DENND1C: variants seen among roughly 807,000 people sequenced by gnomAD.
DENND1C encodes DENN domain-containing protein 1C.
In DENND1C, 64 loss-of-function variants were observed where a neutral mutation model predicts 87.9. The observed-to-expected ratio is 0.73, with a 90% CI of 0.60 to 0.90. DENND1C has a LOEUF of 0.90. Ranked by LOEUF, DENND1C falls within the 40% of genes least tolerant of loss-of-function variation. The pLI is 0.00. For missense variants in DENND1C, 980 were observed against 1,037.0 expected (o/e 0.95, Z 0.76); for synonymous variants, 384 against 424.4 (o/e 0.90, Z 1.17).
intron 4 of DENND1C, 45 bp downstream of exon 4, chr19:6,479,624 G>C: frequency 6.2e-7 from 1 of 1,612,766 alleles, no homozygotes; most frequent in Non-Finnish European, 8.5e-7. Context: ...GGGCCCCTGA[G>C]AGATCTGAGT....
chr19:6,480,549 TCCACCCAC>T (rs10561857), intron 1 of DENND1C: 32 of 366,540 alleles, frequency 8.7e-5, no homozygotes, highest in South Asian at 5.6e-4. Context: ...CACCTATCCA[TCCACCCAC>T]CCACCTATCT....
At chr19:6,481,541 G>T in intron 1 of DENND1C, 138 bp downstream of exon 1, 1 of 1,243,662 alleles carries the variant, frequency 8.0e-7, no homozygotes, top group Non-Finnish European at 1.1e-6. Context: ...GAGGCCCATG[G>T]AGTATCTGAT....
intron 14 of DENND1C, among the ~76,000 whole-genome samples, chr19:6,473,451 C>A (rs1430772451): frequency 1.0e-5 from 1 of 98,706 alleles, no homozygotes; most frequent in Non-Finnish European, 2.4e-5. Flanking sequence ...CCGCGCCCAG[C>A]CCTGGTTTTT....
chr19:6,470,214 C>G lies in DENND1C; in HGVS notation c.1362+81G>C, dbSNP rs943818258. On this transcript the variant is annotated intron_variant, in intron 18 of 22. Coordinates refer to ENST00000381480, the MANE Select transcript of DENND1C (RefSeq NM_024898.4). ...AAGTGTCTGCCAGGGTCAAAATACT[C>G]CATCCTTGGGAGGTCAAAGTGTCCT... is the stretch of plus-strand genomic sequence containing the variant. 15 of 1,414,096 alleles carry G rather than the reference C, an allele frequency of 1.1e-5. No homozygotes were observed. In the East Asian group the frequency reaches 3.5e-4, roughly 33 times the overall value. The allele number at this position is 1,414,096 out of a possible 1,614,324, so 87.6% of individuals were successfully genotyped here.
rs1415917035 is a variant in DENND1C at position 6,468,337 on chromosome 19, A to G, written c.1688T>C (p.Ile563Thr). The change falls in exon 22 of 23, where the codon ATT (isoleucine) becomes ACT (threonine). Residue 563 changes from isoleucine to threonine, a missense_variant. Ile to Thr is a moderately conservative substitution (Grantham distance 89, BLOSUM62 -1). Coordinates refer to ENST00000381480, the MANE Select transcript of DENND1C (RefSeq NM_024898.4). ...SGEELDLLSE[I>T]LDSLSMGAKS... is the part of the protein sequence containing the mutation. ...GGCTCCCATGCTAAGACTGTCCAGA[A>G]TCTCGCTCAACAAATCCAGTTCTTC... The G allele has an allele frequency of 6.2e-7, 1 of 1,613,816 alleles. No individual in the cohort carries two copies. Among genetic ancestry groups the G allele is most frequent in the Non-Finnish European group, 8.5e-7 (1 of 1,179,780 alleles).
In DENND1C at chr19:6,475,934, T is replaced by G; in HGVS notation, c.682A>C (p.Thr228Pro). 1 of 1,561,048 alleles carries G rather than the reference T, an allele frequency of 6.4e-7. No homozygotes were observed. The highest frequency in any genetic ancestry group is 8.6e-7 in the Non-Finnish European group (1 of 1,162,748). ...GCGCAGGACGCGTGGACGCACGAGG[T>G]CAGCTGGGGAGCGATGGCGGGGCGT... ...LLTASKLSTL[T>P]SCVHASCALL... is the part of the protein sequence containing the mutation. The change falls in exon 11 of 23, where the codon ACC becomes CCC. Residue 228 changes from threonine to proline, a missense_variant. Thr to Pro is a conservative substitution (Grantham distance 38, BLOSUM62 -1). Transcript: ENST00000381480.
At position 6,471,592 on chromosome 19, in the gene DENND1C, T is replaced by C. The variant is rs183862218; in HGVS notation, c.1159-96A>G. On this transcript the variant is annotated intron_variant, in intron 15 of 22. Coordinates refer to ENST00000381480, the MANE Select transcript of DENND1C (RefSeq NM_024898.4). ...GCTGTCAAGATGTAGAAGCCATCTC[T>C]GGCCTCCAACCTGCCCACCCCCAAG... is the stretch of plus-strand genomic sequence containing the variant. The C allele has an allele frequency of 4.5e-5, 54 of 1,204,704 alleles. No individual in the cohort carries two copies. The East Asian group carries it at 1.3e-3, about 30-fold the overall frequency. 74.6% of individuals were successfully genotyped at this position (1,204,704 alleles called of 1,614,324 possible).
rs113674740 is a variant in DENND1C, at chr19:6,480,249, AG to A, written c.18-199del. The A allele has an allele frequency of 1.5e-3, 2,208 of 1,445,132 alleles. 33 individuals carry two copies. In the African/African-American group the frequency reaches 0.028, roughly 18 times the overall value. 89.5% of individuals were successfully genotyped at this position (1,445,132 alleles called of 1,614,324 possible). ...CAGTGTTAATTGAACACACAAGTAC[AG>A]GATGGAGTGAGAAAGTGTGACTGTG... is the stretch of plus-strand genomic sequence containing the variant. On this transcript the variant is annotated intron_variant, in intron 1 of 22. Transcript: ENST00000381480.
intron 1 of DENND1C, among the ~76,000 whole-genome samples, chr19:6,481,234 C>G (rs1913543929): frequency 1.3e-5 from 2 of 151,842 alleles, no homozygotes; most frequent in East Asian, 1.9e-4. Context: ...TGCACACACA[C>G]TGTCCCGCCC....
intron 15 of DENND1C, among the ~76,000 whole-genome samples, chr19:6,472,268 C>A (rs1009687265): frequency 6.6e-6 from 1 of 151,958 alleles, no homozygotes; most frequent in Non-Finnish European, 1.5e-5. Context: ...GACCGCCACC[C>A]CAGTCCCAGA....
intron 21 of DENND1C, 35 bp from the exon 22 acceptor site, chr19:6,468,476 A>C: frequency 6.3e-7 from 1 of 1,592,486 alleles, no homozygotes; most frequent in Non-Finnish European, 8.6e-7. Flanking sequence ...ATATTTGCCC[A>C]AGACCCCCAG....
At chr19:6,471,737 G>A (rs1419572049) in intron 15 of DENND1C, among the ~76,000 whole-genome samples, 2 of 152,082 alleles carry the variant, frequency 1.3e-5, no homozygotes, top group Non-Finnish European at 2.9e-5. Context: ...CCGCTTCCCG[G>A]GTTTAAGTGA....
chr19:6,469,408 A>G, intron 19 of DENND1C, 188 bp downstream of exon 19: 1 of 612,872 alleles, frequency 1.6e-6, no homozygotes, highest in South Asian at 1.8e-5. Flanking sequence ...GCTTACTGCA[A>G]CCTCCGCCTT....
intron 1 of DENND1C, 169 bp downstream of exon 1, chr19:6,481,510 C>T: frequency 2.2e-6 from 2 of 901,652 alleles, no homozygotes; most frequent in Non-Finnish European, 3.4e-6. Context: ...AGTGGCCTGT[C>T]CCAGAGTGAA....
rs60926725 is a variant in DENND1C, at chr19:6,481,389, T to C, written c.17+290A>G. On this transcript the variant is annotated intron_variant, in intron 1 of 22. Transcript: ENST00000381480. ...CCTGTGGACCCCCTGAAGCCATCAC[T>C]CAGACATACCAAGGACAAAGCTCAG... Among the ~76,000 whole-genome samples, 4,405 of 151,378 alleles carry C rather than the reference T, an allele frequency of 0.029. 189 individuals carry two copies. The highest frequency in any genetic ancestry group is 0.1 in the African/African-American group (4,181 of 41,190).
chr19:6,471,240 C>A, intron 17 of DENND1C, 25 bp downstream of exon 17: 4 of 1,571,202 alleles, frequency 2.5e-6, no homozygotes, highest in Non-Finnish European at 3.5e-6. Context: ...CCAACGCCCA[C>A]GGCCTATTGT....
chr19:6,476,932 G>T lies in DENND1C; in HGVS notation c.603C>A (p.Asp201Glu). 1 of 1,613,648 alleles carries T rather than the reference G, an allele frequency of 6.2e-7. No individual in the cohort carries two copies. Among genetic ancestry groups the T allele is most frequent in the Non-Finnish European group, 8.5e-7 (1 of 1,179,802 alleles). Residue 201 changes from aspartate (D) to glutamate (E), a missense_variant, in exon 10 of 23, where the codon GAC (aspartate) becomes GAA (glutamate). Transcript: ENST00000381480. Reference sequence around the variant, plus strand: ...CCGCGAACAGCCCCACGATGTTCTCGTCAGTCACGGCCACCACCAGCTCCG... The same window carrying T: ...CCGCGAACAGCCCCACGATGTTCTCTTCAGTCACGGCCACCACCAGCTCCG... ...NLTELVVAVT[D>E]ENIVGLFAAL...
intron 6 of DENND1C, among the ~76,000 whole-genome samples, chr19:6,478,290 C>T: frequency 6.6e-6 from 1 of 152,192 alleles, no homozygotes; most frequent in South Asian, 2.1e-4. Context: ...GTTGCCCAAG[C>T]TGGAGTGCAA....
chr19:6,471,525 A>C lies in DENND1C; in HGVS notation c.1159-29T>G, dbSNP rs1262280420. On this transcript the variant is annotated intron_variant, in intron 15 of 22. Coordinates refer to ENST00000381480, the MANE Select transcript of DENND1C (RefSeq NM_024898.4). Reference sequence around the variant, plus strand: ...GGGTGGGGGACAGTAAATCAGAAACAGCAGGAGACACATCTGAATGCCAGC... The same window carrying C: ...GGGTGGGGGACAGTAAATCAGAAACCGCAGGAGACACATCTGAATGCCAGC... 35 of 1,509,108 alleles carry C rather than the reference A, an allele frequency of 2.3e-5. 1 individual carries two copies. In the East Asian group the frequency reaches 8.4e-4, roughly 36 times the overall value. The allele number at this position is 1,509,108 out of a possible 1,614,324, so 93.5% of individuals were successfully genotyped here. A position where few individuals can be genotyped will look rare whatever the true frequency, so the allele number is the denominator to read the frequency against.
Sources: allele counts gnomAD v4.1 joint callset (sites outside exome capture counted in the v4.1 genomes callset), GRCh38; gene constraint gnomAD v4.1.1; transcripts MANE v1.5; gene names NCBI Gene and HGNC (gene_info 2026-07-23, HGNC 2026-07-21).